ASB3: variants seen among roughly 807,000 people sequenced by gnomAD.
ASB3 encodes ankyrin repeat and SOCS box containing 3.
A neutral mutation model predicts 54.5 loss-of-function variants in ASB3; 41 were observed. That is an observed-to-expected ratio of 0.75 (90% confidence interval 0.59 to 0.98). The LOEUF (loss-of-function observed/expected upper bound fraction) is 0.98. Ranked by LOEUF, ASB3 falls within the 50% of genes least tolerant of loss-of-function variation. The pLI is 0.00. For synonymous variants in ASB3, 266 were observed against 221.2 expected, an observed-to-expected ratio of 1.20 and a Z score of -1.80; for missense variants, 733 against 620.0, an observed-to-expected ratio of 1.18 and a Z score of -1.94.
intron 3 of ASB3, among the ~76,000 whole-genome samples, chr2:53,744,381 T>C (rs1477519660): frequency 1.6e-5 from 2 of 125,690 alleles, no homozygotes; most frequent in Admixed American, 8.6e-5. Flanking sequence ...CGAGACTCTG[T>C]CTCAAAAAAA....
At chr2:53,697,033 C>G (rs1227998368) in intron 8 of ASB3, among the ~76,000 whole-genome samples, 2 of 152,194 alleles carry the variant, frequency 1.3e-5, no homozygotes, top group Non-Finnish European at 2.9e-5. Flanking sequence ...GCACAAGATA[C>G]AGGTCACAAA....
chr2:53,693,999 G>A lies in ASB3; in HGVS notation c.1254C>T (p.Ser418=). ...LLCNSWIDSV[S]IDTLIFTLEF... The stretch of plus-strand genomic sequence containing the variant: ...CCAAAGTGAAGATAAGGGTGTCAAT[G>A]CTGACTGAGTCAATCCTATGTTAGC... Residue 418 remains serine (S), a synonymous_variant, in exon 9 of 10, where the codon AGC becomes AGT. Coordinates refer to ENST00000263634, the MANE Select transcript of ASB3 (RefSeq NM_016115.5). 1 of 1,613,278 alleles carries A rather than the reference G, an allele frequency of 6.2e-7. No homozygotes were observed. The highest frequency in any genetic ancestry group is 8.5e-7 in the Non-Finnish European group (1 of 1,179,466).
chr2:53,714,646 C>T, intron 6 of ASB3, 65 bp from the exon 7 acceptor site: 1 of 1,528,060 alleles, frequency 6.5e-7, no homozygotes. Flanking sequence ...GGCAACATTT[C>T]TATAGCACAA....
intron 7 of ASB3, among the ~76,000 whole-genome samples, chr2:53,713,944 C>A (rs1453971054): frequency 6.6e-6 from 1 of 151,970 alleles, no homozygotes; most frequent in African/African-American, 2.4e-5. Context: ...ATGCTATCCA[C>A]CAAATACATT....
In ASB3 at chr2:53,765,423, T is replaced by C; in HGVS notation, c.150A>G (p.Ala50=). 6.2e-7 allele frequency: 1 copy of C among 1,614,260 alleles called. No homozygotes were observed. The highest frequency in any genetic ancestry group is 8.5e-7 in the Non-Finnish European group (1 of 1,180,034). ...AACATTCTACAGAGTTGTGATAAGC[T>C]GCTTCATGAATTGGCATCCATCCCC... ...DNRGWMPIHE[A]AYHNSVECLQ... Residue 50 remains alanine, a synonymous_variant, in exon 2 of 10, where the codon GCA becomes GCG. Transcript: ENST00000263634.
At chr2:53,774,536 A>G (rs1392526877) in intron 1 of ASB3, 3 of 1,516,178 alleles carry the variant, frequency 2.0e-6, no homozygotes, top group Non-Finnish European at 2.6e-6. Flanking sequence ...TTTAGTCTTC[A>G]GAGAATTAAC....
At chr2:53,710,497 C>T (rs1339747170) in intron 7 of ASB3, among the ~76,000 whole-genome samples, 1 of 152,150 alleles carries the variant, frequency 6.6e-6, no homozygotes, top group Middle Eastern at 3.2e-3. Context: ...CTATTAATTG[C>T]TTTTTCCCAT....
At chr2:53,731,883 C>T (rs1331893508) in intron 3 of ASB3, among the ~76,000 whole-genome samples, 2 of 152,166 alleles carry the variant, frequency 1.3e-5, no homozygotes, top group Non-Finnish European at 1.5e-5. Context: ...GAACTCCTGA[C>T]CTCAGGTGAT....
At chr2:53,753,056 A>C (rs1249420209) in intron 2 of ASB3, among the ~76,000 whole-genome samples, 7 of 152,174 alleles carry the variant, frequency 4.6e-5, no homozygotes, top group Admixed American at 4.6e-4. Flanking sequence ...AAAAAAAAAA[A>C]ATCAACCAGG....
At chr2:53,716,785 C>A in intron 5 of ASB3, 42 bp from the exon 6 acceptor site, 1 of 1,531,860 alleles carries the variant, frequency 6.5e-7, no homozygotes, top group Non-Finnish European at 8.8e-7. Context: ...AACCCTAATA[C>A]TTAAAAAAAT....
chr2:53,670,340 C>T lies in ASB3; in HGVS notation c.*163G>A, dbSNP rs975087386. The T allele has an allele frequency of 2.4e-5, 5 of 208,428 alleles. No homozygotes were observed. Among genetic ancestry groups the T allele is most frequent in the Non-Finnish European group, 4.0e-5 (5 of 125,074 alleles). The allele number at this position is 208,428 out of a possible 1,614,324, so 12.9% of individuals were successfully genotyped here. A position where few individuals can be genotyped will look rare whatever the true frequency, so the allele number is the denominator to read the frequency against. ...TTTTACTGGGAAGGCTAGTTGTAAA[C>T]ATAAACATTCTCACTGAACTACTGG... is the stretch of plus-strand genomic sequence containing the variant. On this transcript the variant is annotated 3_prime_UTR_variant, in exon 10 of 10. Coordinates refer to ENST00000263634, the MANE Select transcript of ASB3 (RefSeq NM_016115.5).
At position 53,774,452 on chromosome 2, in the gene ASB3, A is replaced by T. The variant is rs77321507; in HGVS notation, c.-13-8867T>A. The T allele has an allele frequency of 1.2e-4, 186 of 1,602,878 alleles. No homozygotes were observed. Among genetic ancestry groups the T allele is most frequent in the Non-Finnish European group, 1.5e-4 (181 of 1,176,914 alleles). On this transcript the variant is annotated intron_variant, in intron 1 of 9. Transcript: ENST00000263634. Reference sequence around the variant, plus strand: ...AGGAACCTTGTGCCAGAAGAAGCAGATGAGCATCTTTTCGCTTTGGAAAAA... The same window carrying T: ...AGGAACCTTGTGCCAGAAGAAGCAGTTGAGCATCTTTTCGCTTTGGAAAAA...
At chr2:53,778,506 A>T (rs1674476432) in intron 1 of ASB3, among the ~76,000 whole-genome samples, 1 of 152,130 alleles carries the variant, frequency 6.6e-6, no homozygotes, top group Non-Finnish European at 1.5e-5. Context: ...CAAAGAAAAA[A>T]ATTCCTCCCC....
intron 6 of ASB3, among the ~76,000 whole-genome samples, chr2:53,714,919 G>A (rs903420763): frequency 6.6e-6 from 1 of 152,032 alleles, no homozygotes; most frequent in Non-Finnish European, 1.5e-5. Flanking sequence ...AGATATTTTA[G>A]GGTTTAATAA....
chr2:53,711,645 A>G (rs959433137), intron 7 of ASB3, among the ~76,000 whole-genome samples: 4 of 152,174 alleles, frequency 2.6e-5, no homozygotes, highest in African/African-American at 7.2e-5. Flanking sequence ...ATGGTGGCAC[A>G]TGCCTACAAT....
chr2:53,734,649 C>G (rs945599117), intron 3 of ASB3, among the ~76,000 whole-genome samples: 1 of 152,204 alleles, frequency 6.6e-6, no homozygotes, highest in Non-Finnish European at 1.5e-5. Flanking sequence ...TAAAGCTATT[C>G]CCTTGAAAAT....
chr2:53,691,315 G>A lies in ASB3; in HGVS notation c.1369+2569C>T, dbSNP rs561501525. Among the ~76,000 whole-genome samples, 3 of 152,172 alleles carry A rather than the reference G, an allele frequency of 2.0e-5. No homozygotes were observed. The East Asian group carries it at 5.8e-4, about 29-fold the overall frequency. ...ACATGGCATCTCCAGGACTTGAAAA[G>A]GGCTCAAATAAAAAATGGGAGAAAA... is the stretch of plus-strand genomic sequence containing the variant. On this transcript the variant is annotated intron_variant, in intron 9 of 9. Transcript: ENST00000263634.
At chr2:53,753,813 T>C (rs1672666321) in intron 2 of ASB3, among the ~76,000 whole-genome samples, 1 of 151,928 alleles carries the variant, frequency 6.6e-6, no homozygotes, top group Non-Finnish European at 1.5e-5. Context: ...TTTTTGTATT[T>C]TTTTTTTAGT....
chr2:53,716,058 T>C (rs1295258935), intron 6 of ASB3, among the ~76,000 whole-genome samples: 2 of 152,134 alleles, frequency 1.3e-5, no homozygotes, highest in African/African-American at 2.4e-5. Context: ...ACCAAGTTAC[T>C]AGCTTCTAAG....
Sources: allele counts gnomAD v4.1 joint callset (sites outside exome capture counted in the v4.1 genomes callset), GRCh38; gene constraint gnomAD v4.1.1; transcripts MANE v1.5; gene names NCBI Gene and HGNC (gene_info 2026-07-23, HGNC 2026-07-21).